Variants in LRRC4C observed in about 807,000 individuals in gnomAD.
LRRC4C encodes the protein leucine-rich repeat-containing protein 4C.
In LRRC4C, 5 loss-of-function variants were observed where a neutral mutation model predicts 33.6. The observed-to-expected ratio is 0.15, with a 90% confidence interval of 0.08 to 0.31. The LOEUF (loss-of-function observed/expected upper bound fraction) is 0.31, where lower values mean the gene tolerates loss of function less well. Among genes scored for constraint, LRRC4C ranks in the 10% least tolerant of loss-of-function variants. The probability of loss-of-function intolerance (pLI) is 1.00; values close to 1 mark genes in which losing one functional copy is unlikely to be tolerated. For missense variants in LRRC4C, 560 were observed against 796.7 expected (o/e 0.70, Z 3.58); for synonymous variants, 329 against 302.0 (o/e 1.09, Z -0.93).
intron 3 of LRRC4C, among the ~76,000 whole-genome samples, chr11:40,561,400 G>C (rs965848538): frequency 1.4e-5 from 2 of 141,392 alleles, no homozygotes; most frequent in African/African-American, 5.1e-5. Flanking sequence ...TCTTTGTTCT[G>C]AGGATTCCTT....
chr11:40,636,911 G>A (rs1472074342), intron 3 of LRRC4C, among the ~76,000 whole-genome samples: 2 of 152,142 alleles, frequency 1.3e-5, no homozygotes, highest in Non-Finnish European at 2.9e-5. Flanking sequence ...GAGAATGCCG[G>A]TCTGAGGCAC....
chr11:41,457,328 T>C (rs530480264), intron 1 of LRRC4C, among the ~76,000 whole-genome samples: 8 of 152,262 alleles, frequency 5.3e-5, no homozygotes, highest in African/African-American at 1.9e-4. Context: ...ATAGATGACC[T>C]AAAATGCTGT....
chr11:41,069,547 C>A (rs1399400686), intron 1 of LRRC4C, among the ~76,000 whole-genome samples: 1 of 152,144 alleles, frequency 6.6e-6, no homozygotes, highest in Non-Finnish European at 1.5e-5. Context: ...AACTCTTCAA[C>A]TGATAAGCAA....
At chr11:41,277,116 C>T (rs1183177402) in intron 1 of LRRC4C, among the ~76,000 whole-genome samples, 1 of 152,116 alleles carries the variant, frequency 6.6e-6, no homozygotes, top group Non-Finnish European at 1.5e-5. Flanking sequence ...GGCTTTGACA[C>T]ATTGTAGGAA....
At chr11:40,684,067 G>A (rs866379597) in intron 2 of LRRC4C, among the ~76,000 whole-genome samples, 1 of 151,942 alleles carries the variant, frequency 6.6e-6, no homozygotes, top group South Asian at 2.1e-4. Context: ...ACTTTACAAC[G>A]TTACAAAATA....
At chr11:40,607,026 C>A (rs1362028229) in intron 3 of LRRC4C, among the ~76,000 whole-genome samples, 1 of 152,066 alleles carries the variant, frequency 6.6e-6, no homozygotes, top group African/African-American at 2.4e-5. Flanking sequence ...TCATCAGAAA[C>A]TTTACAGGCA....
At chr11:40,382,685 T>C (rs1424148747) in intron 3 of LRRC4C, among the ~76,000 whole-genome samples, 5 of 20,490 alleles carry the variant, frequency 2.4e-4, no homozygotes, top group African/African-American at 1.3e-3. Flanking sequence ...CTTGTACTCA[T>C]TTTTTTTTTT....
In LRRC4C at chr11:41,327,949, T is replaced by G. The variant is rs138343396; in HGVS notation, c.-496+131482A>C. Among the ~76,000 whole-genome samples, 399 of 152,304 alleles carry G rather than the reference T, an allele frequency of 2.6e-3. 2 individuals carry two copies. Among genetic ancestry groups the G allele is most frequent in the Non-Finnish European group, 4.3e-3 (291 of 68,022 alleles). On this transcript the variant is annotated intron_variant, in intron 1 of 6. Transcript: ENST00000528697. Reference sequence around the variant, plus strand: ...TTATAAATTACCCAGTCTCAGGTATTTCTTCATAACAGTATGAAAATGGAC... The same window carrying G: ...TTATAAATTACCCAGTCTCAGGTATGTCTTCATAACAGTATGAAAATGGAC...
chr11:40,232,088 C>A (rs568827089), intron 5 of LRRC4C, among the ~76,000 whole-genome samples: 8 of 152,284 alleles, frequency 5.3e-5, no homozygotes, highest in Admixed American at 4.6e-4. Context: ...CTCGCTGCAA[C>A]CTCTGCCTCC....
intron 3 of LRRC4C, among the ~76,000 whole-genome samples, chr11:40,548,684 G>A (rs1312620178): frequency 6.6e-6 from 1 of 152,090 alleles, no homozygotes; most frequent in East Asian, 1.9e-4. Flanking sequence ...GAAGAACGAG[G>A]GGGCCATGAT....
At chr11:40,495,245 C>T (rs898926614) in intron 3 of LRRC4C, among the ~76,000 whole-genome samples, 33 of 152,186 alleles carry the variant, frequency 2.2e-4, no homozygotes, top group Middle Eastern at 3.4e-3. Context: ...TTGTGCGAAG[C>T]GAGGAGGTTC....
At chr11:41,403,693 T>C (rs1177367150) in intron 1 of LRRC4C, among the ~76,000 whole-genome samples, 2 of 152,248 alleles carry the variant, frequency 1.3e-5, no homozygotes, top group African/African-American at 2.4e-5. Context: ...CATATTATTG[T>C]ATTTCTACAA....
intron 1 of LRRC4C, among the ~76,000 whole-genome samples, chr11:41,136,275 G>A (rs1483836304): frequency 6.6e-6 from 1 of 152,146 alleles, no homozygotes; most frequent in Non-Finnish European, 1.5e-5. Context: ...TAGGGGGCAG[G>A]AAGTATGGGT....
chr11:40,656,477 T>A (rs2136183869), intron 2 of LRRC4C, among the ~76,000 whole-genome samples: 1 of 151,938 alleles, frequency 6.6e-6, no homozygotes, highest in African/African-American at 2.4e-5. Flanking sequence ...GGTCACTTTT[T>A]TTTTTTTTTT....
intron 5 of LRRC4C, among the ~76,000 whole-genome samples, chr11:40,182,480 T>C (rs1335405739): frequency 1.3e-5 from 2 of 152,226 alleles, no homozygotes; most frequent in Non-Finnish European, 2.9e-5. Context: ...CCTTACTTAA[T>C]TATTTTATGA....
chr11:41,081,233 G>A (rs546024360), intron 1 of LRRC4C, among the ~76,000 whole-genome samples: 4 of 152,278 alleles, frequency 2.6e-5, no homozygotes, highest in Non-Finnish European at 5.9e-5. Context: ...CTTTGAATGG[G>A]AATGCATGTT....
At chr11:40,676,362 A>G (rs11036009) in intron 2 of LRRC4C, among the ~76,000 whole-genome samples, 7,183 of 152,226 alleles carry the variant, frequency 0.047, 553 homozygotes, top group African/African-American at 0.17. Flanking sequence ...AGGCAGGGTT[A>G]GATGAAACCC....
At chr11:40,944,320 C>T (rs1171819993) in intron 1 of LRRC4C, among the ~76,000 whole-genome samples, 2 of 152,034 alleles carry the variant, frequency 1.3e-5, no homozygotes, top group Non-Finnish European at 2.9e-5. Context: ...CTATCAATTG[C>T]AAGATTTGTG....
intron 2 of LRRC4C, among the ~76,000 whole-genome samples, chr11:40,834,355 C>T (rs553681709): frequency 5.9e-5 from 9 of 151,620 alleles, no homozygotes; most frequent in Admixed American, 5.9e-4. Flanking sequence ...TCTGTAATCC[C>T]AGGTACTCAG....
Sources: allele counts gnomAD v4.1 joint callset (sites outside exome capture counted in the v4.1 genomes callset), GRCh38; gene constraint gnomAD v4.1.1; transcripts MANE v1.5; gene names NCBI Gene and HGNC (gene_info 2026-07-23, HGNC 2026-07-21).